Variants in CLPB observed in about 807,000 individuals in gnomAD.
The protein encoded by CLPB is mitochondrial disaggregase.
In CLPB, 40 loss-of-function variants were observed where a neutral mutation model predicts 78.4. The ratio of observed to expected loss-of-function variants is 0.51; its 90% CI spans 0.40 to 0.66. CLPB has a LOEUF of 0.66. Among genes scored for constraint, CLPB ranks in the 30% least tolerant of loss-of-function variants. CLPB has a pLI of 0.00. For synonymous variants in CLPB, 333 were observed against 348.0 expected (o/e 0.96, Z 0.48); for missense variants, 780 against 886.9 (o/e 0.88, Z 1.53).
intron 6 of CLPB, 21 bp from the exon 7 acceptor site, chr11:72,317,241 T>C: frequency 6.3e-7 from 1 of 1,578,926 alleles, no homozygotes; most frequent in Non-Finnish European, 8.6e-7. Flanking sequence ...AGAGGGCAAA[T>C]GGTTGAGGGC....
chr11:72,359,077 C>G, intron 4 of CLPB, 69 bp from the exon 5 acceptor site: 1 of 1,607,002 alleles, frequency 6.2e-7, no homozygotes, highest in African/African-American at 1.3e-5. Flanking sequence ...CACCTGTTTT[C>G]TAGTGGCATT....
At chr11:72,432,646 G>A (rs995638740) in intron 1 of CLPB, among the ~76,000 whole-genome samples, 2 of 152,206 alleles carry the variant, frequency 1.3e-5, no homozygotes, top group African/African-American at 2.4e-5. Context: ...GAAGTTATAG[G>A]ATTACAACAT....
chr11:72,397,514 G>A lies in CLPB; in HGVS notation c.542+5452C>T, dbSNP rs75382820. 8.9e-3 allele frequency among the ~76,000 whole-genome samples: 1,357 copies of A among 152,132 alleles called. 11 individuals carry two copies. The highest frequency in any genetic ancestry group is 0.016 in the Non-Finnish European group (1,077 of 67,988). On this transcript the variant is annotated intron_variant, in intron 3 of 15. Transcript: ENST00000538039. ...ATCAGTGATGTATCAATATTGTTCT[G>A]TATCCTTGTCAGCCCTTAGTATTGT...
intron 9 of CLPB, 87 bp from the exon 10 acceptor site, chr11:72,302,435 CA>C: frequency 8.8e-7 from 1 of 1,137,252 alleles, no homozygotes; most frequent in Admixed American, 1.7e-5. Flanking sequence ...CAACTATCCC[CA>C]AGGCTTTCAC....
chr11:72,348,391 A>G (rs1187603771), intron 5 of CLPB, among the ~76,000 whole-genome samples: 2 of 152,180 alleles, frequency 1.3e-5, no homozygotes, highest in Non-Finnish European at 1.5e-5. Context: ...AAGATCCTCC[A>G]CACCCATCTC....
In CLPB at chr11:72,330,568, T is replaced by C. The variant is rs143475358; in HGVS notation, c.776-764A>G. On this transcript the variant is annotated intron_variant, in intron 5 of 15. Transcript: ENST00000538039. Reference sequence around the variant, plus strand: ...GGCAGTTATGGAGGAAAGGTCACTCTGACTCTGTGCTGTCACAGCCTTCCC... The same window carrying C: ...GGCAGTTATGGAGGAAAGGTCACTCCGACTCTGTGCTGTCACAGCCTTCCC... Among the ~76,000 whole-genome samples, 61 of 152,368 alleles carry C rather than the reference T, an allele frequency of 4.0e-4. No homozygotes were observed. In the East Asian group the frequency reaches 0.011, roughly 26 times the overall value.
chr11:72,404,266 A>G (rs1855640437), intron 2 of CLPB, among the ~76,000 whole-genome samples: 1 of 152,222 alleles, frequency 6.6e-6, no homozygotes, highest in South Asian at 2.1e-4. Flanking sequence ...CAAAGAACAC[A>G]GTGCCAAGAA....
chr11:72,395,053 A>C (rs574887680), intron 3 of CLPB, among the ~76,000 whole-genome samples: 3 of 152,182 alleles, frequency 2.0e-5, no homozygotes, highest in Non-Finnish European at 2.9e-5. Context: ...CTATGTTACC[A>C]ATCAAATCCT....
Position 72,380,316 on chromosome 11 carries a change from T to C in CLPB, c.611A>G (p.Lys204Arg). 6.2e-7 allele frequency: 1 copy of C among 1,614,058 alleles called. No individual in the cohort carries two copies. The change falls in exon 4 of 16, where the codon AAG (lysine) becomes AGG (arginine). Residue 204 changes from lysine to arginine, a missense_variant. Transcript: ENST00000538039. ...ATGGATTCCCTGTTCCTTGGCAGTC[T>C]TGTAAACACTGCTGAAATCATCTCC... Reference protein sequence around the residue: ...NLGDDFSSVYKTAKEQGIHSL... With the variant: ...NLGDDFSSVYRTAKEQGIHSL...
chr11:72,365,359 A>C (rs973397677), intron 4 of CLPB, among the ~76,000 whole-genome samples: 1 of 152,222 alleles, frequency 6.6e-6, no homozygotes, highest in Non-Finnish European at 1.5e-5. Flanking sequence ...TTTAATGTCC[A>C]GATTAGGCAA....
rs1949387065 is a variant in CLPB, at chr11:72,286,223, G to GTTTTTTTTTTTTTGTTTTTTTTTTTTT, written c.*7143_*7144insAAAAAAAAAAAAACAAAAAAAAAAAAA. 2 of 60,450 alleles carry GTTTTTTTTTTTTTGTTTTTTTTTTTTT rather than the reference G, an allele frequency of 3.3e-5. No individual in the cohort carries two copies. The highest frequency in any genetic ancestry group is 1.4e-4 in the African/African-American group (2 of 14,464). The allele number at this position is 60,450 out of a possible 1,614,324, so 3.7% of individuals were successfully genotyped here. The stretch of plus-strand genomic sequence containing the variant: ...ATTACAGGTGTGAGATACTGCACCT[G>GTTTTTTTTTTTTTGTTTTTTTTTTTTT]TTTTTTTTTTTTTTTTTTTTTTTAA... On this transcript the variant is annotated 3_prime_UTR_variant, in exon 16 of 16. Coordinates refer to ENST00000538039, the MANE Select transcript of CLPB (RefSeq NM_001258392.3).
rs1178537255 is a variant in CLPB at position 72,287,744 on chromosome 11, G to A, written c.*5623C>T. 1 of 152,142 alleles carries A rather than the reference G, an allele frequency of 6.6e-6. No homozygotes were observed. The allele number at this position is 152,142 out of a possible 1,614,324, so 9.4% of individuals were successfully genotyped here. A position where few individuals can be genotyped will look rare whatever the true frequency, so the allele number is the denominator to read the frequency against. On this transcript the variant is annotated 3_prime_UTR_variant, in exon 16 of 16. Coordinates refer to ENST00000538039, the MANE Select transcript of CLPB (RefSeq NM_001258392.3). ...AACTGGCCTATTCAAACTATTTCTAGGATCAGTGTTTGCTGGGAAATTATC... is the reference window on the plus strand; with the variant it reads ...AACTGGCCTATTCAAACTATTTCTAAGATCAGTGTTTGCTGGGAAATTATC...
chr11:72,343,336 C>T (rs1230700821), intron 5 of CLPB, among the ~76,000 whole-genome samples: 3 of 152,034 alleles, frequency 2.0e-5, no homozygotes, highest in Non-Finnish European at 2.9e-5. Context: ...TGGAGAGAAT[C>T]GGAAATGTGG....
chr11:72,413,672 A>G (rs1332686113), intron 2 of CLPB, among the ~76,000 whole-genome samples: 1 of 152,222 alleles, frequency 6.6e-6, no homozygotes, highest in African/African-American at 2.4e-5. Flanking sequence ...GATCAATATC[A>G]GGACCAAACA....
chr11:72,316,353 A>T (rs1949941913), intron 7 of CLPB, among the ~76,000 whole-genome samples: 1 of 152,074 alleles, frequency 6.6e-6, no homozygotes, highest in Admixed American at 6.5e-5. Context: ...TGGGGGATAC[A>T]CCTTTGTCTT....
At chr11:72,366,624 T>A (rs1433791324) in intron 4 of CLPB, among the ~76,000 whole-genome samples, 2 of 152,090 alleles carry the variant, frequency 1.3e-5, no homozygotes, top group African/African-American at 2.4e-5. Context: ...AAAGAAGACA[T>A]ACAAGCAACC....
intron 5 of CLPB, among the ~76,000 whole-genome samples, chr11:72,352,278 C>T (rs1950627924): frequency 6.6e-6 from 1 of 152,184 alleles, no homozygotes; most frequent in African/African-American, 2.4e-5. Flanking sequence ...AACATTTTAA[C>T]TATCTTTCAC....
At chr11:72,410,387 T>A (rs1855841016) in intron 2 of CLPB, among the ~76,000 whole-genome samples, 2 of 152,150 alleles carry the variant, frequency 1.3e-5, no homozygotes, top group Admixed American at 6.6e-5. Flanking sequence ...TAAAAAAAAA[T>A]GGAGAACACC....
At chr11:72,416,021 G>T (rs1314691632) in intron 2 of CLPB, among the ~76,000 whole-genome samples, 1 of 152,196 alleles carries the variant, frequency 6.6e-6, no homozygotes, top group Non-Finnish European at 1.5e-5. Flanking sequence ...AACAGGAAAA[G>T]GAAGCCATGT....
Sources: allele counts gnomAD v4.1 joint callset (sites outside exome capture counted in the v4.1 genomes callset), GRCh38; gene constraint gnomAD v4.1.1; transcripts MANE v1.5; gene names NCBI Gene and HGNC (gene_info 2026-07-23, HGNC 2026-07-21).